The following C1RL variants were observed in gnomAD, a reference collection of about 807,000 sequenced individuals.
The protein encoded by C1RL is complement C1r subcomponent-like protein.
C1RL carries 27 observed loss-of-function variants against 27.9 expected under a neutral mutation model. The observed-to-expected ratio is 0.97, with a 90% CI of 0.71 to 1.33. The LOEUF (loss-of-function observed/expected upper bound fraction) is 1.33. C1RL is among the 40% of genes most tolerant of loss of function. The probability of loss-of-function intolerance (pLI) is 0.00; values close to 1 mark genes in which losing one functional copy is unlikely to be tolerated. For missense variants in C1RL, 563 were observed against 623.9 expected (o/e 0.90, Z 1.04); for synonymous variants, 248 against 252.1 (o/e 0.98, Z 0.15).
chr12:7,095,826 G>A lies in C1RL; in HGVS notation c.*565C>T, dbSNP rs1938409104. On this transcript the variant is annotated 3_prime_UTR_variant, in exon 6 of 6. Coordinates refer to ENST00000266542, the MANE Select transcript of C1RL (RefSeq NM_016546.4). ...AACACATCCTTTGCAAATATGGTAT[G>A]AGGATTAAGTGAAATAACAGGTGAA... is the stretch of plus-strand genomic sequence containing the variant. 1 of 781,748 alleles carries A rather than the reference G, an allele frequency of 1.3e-6. No homozygotes were observed. The highest frequency in any genetic ancestry group is 6.2e-5 in the Admixed American group (1 of 16,046). The allele number at this position is 781,748 out of a possible 1,614,324, so 48.4% of individuals were successfully genotyped here. A position where few individuals can be genotyped will look rare whatever the true frequency, so the allele number is the denominator to read the frequency against.
At chr12:7,099,857 GA>G in intron 4 of C1RL, 43 bp downstream of exon 4, 1 of 1,613,054 alleles carries the variant, frequency 6.2e-7, no homozygotes, top group Non-Finnish European at 8.5e-7. Flanking sequence ...ATTTGGGTGG[GA>G]ATGAGGTGGA....
rs1468217123 is a variant in C1RL, at chr12:7,097,228, T to G, written c.692-65A>C. Reference sequence around the variant, plus strand: ...CATCTAGACACACTGATTAAAGACCTGCTTCTCTGAAGTGCTGTGGTAGGG... The same window carrying G: ...CATCTAGACACACTGATTAAAGACCGGCTTCTCTGAAGTGCTGTGGTAGGG... On this transcript the variant is annotated intron_variant, in intron 5 of 5. Transcript: ENST00000266542. The G allele has an allele frequency of 6.9e-6, 10 of 1,444,060 alleles. No individual in the cohort carries two copies. The East Asian group carries it at 2.1e-4, about 30-fold the overall frequency. The allele number at this position is 1,444,060 out of a possible 1,614,324, so 89.5% of individuals were successfully genotyped here. A position where few individuals can be genotyped will look rare whatever the true frequency, so the allele number is the denominator to read the frequency against.
At chr12:7,100,124 AT>A in intron 3 of C1RL, 98 bp from the exon 4 acceptor site, 1 of 1,198,444 alleles carries the variant, frequency 8.3e-7, no homozygotes, top group Non-Finnish European at 1.1e-6. Context: ...ACAGTGTTTT[AT>A]TTTTTATTTT....
intron 5 of C1RL, chr12:7,097,376 G>C: frequency 3.9e-6 from 2 of 507,782 alleles, no homozygotes. Flanking sequence ...TCCGCCTCCT[G>C]CGCTCAAGCA....
In C1RL at chr12:7,100,020, T is replaced by C. The variant is rs772751644; in HGVS notation, c.497A>G (p.Asn166Ser). 2.0e-5 allele frequency: 32 copies of C among 1,611,600 alleles called. No homozygotes were observed. The highest frequency in any genetic ancestry group is 2.4e-5 in the Non-Finnish European group (28 of 1,179,070). Residue 166 changes from asparagine to serine, a missense_variant, in exon 4 of 6, where the codon AAC becomes AGC. Asn to Ser is a conservative substitution (Grantham distance 46). Coordinates refer to ENST00000266542, the MANE Select transcript of C1RL (RefSeq NM_016546.4). ...GGCCTCGCTGATGGGCTGACTATAG[T>C]TCACAGCTATAGGAAAACAGCACCT... Reference protein sequence around the residue: ...FLALYQTVAVNYSQPISEASR... With the variant: ...FLALYQTVAVSYSQPISEASR...
At chr12:7,097,345 C>G in intron 5 of C1RL, 182 bp from the exon 6 acceptor site, 1 of 572,124 alleles carries the variant, frequency 1.7e-6, no homozygotes, top group Non-Finnish European at 2.9e-6. Context: ...CGTACTTGCG[C>G]GATCTCGGCT....
At chr12:7,105,751 T>C (rs1278462637) in intron 2 of C1RL, among the ~76,000 whole-genome samples, 2 of 152,074 alleles carry the variant, frequency 1.3e-5, no homozygotes, top group African/African-American at 4.8e-5. Flanking sequence ...ACTGCATCAA[T>C]GAAACAAGAA....
chr12:7,108,740 C>G, intron 1 of C1RL: 1 of 566,236 alleles, frequency 1.8e-6, no homozygotes, highest in Non-Finnish European at 3.1e-6. Context: ...CTTTGCTCAT[C>G]TCCCAGGAGA....
At position 7,108,488 on chromosome 12, in the gene C1RL, T is replaced by C. The variant is rs1938831599; in HGVS notation, c.72-9A>G. 1 of 1,573,086 alleles carries C rather than the reference T, an allele frequency of 6.4e-7. No individual in the cohort carries two copies. Among genetic ancestry groups the C allele is most frequent in the Admixed American group, 1.8e-5 (1 of 56,444 alleles). ...AGAGAAGCAGCCACCACCTGTGAGT[T>C]GGGGGGAGGGCAAGGTGGGGCCGCG... On this transcript the variant is annotated splice_polypyrimidine_tract_variant and intron_variant, in intron 1 of 5. Coordinates refer to ENST00000266542, the MANE Select transcript of C1RL (RefSeq NM_016546.4).
Position 7,095,126 on chromosome 12 carries a change from T to A in C1RL, c.*1265A>T, listed in dbSNP as rs1938389841. ...ACTGTAAATCACCTCCAATCTTTTT[T>A]TTTTGGGGGGGATGAAGTCTTGGTC... On this transcript the variant is annotated 3_prime_UTR_variant, in exon 6 of 6. Transcript: ENST00000266542. The A allele has an allele frequency of 1.6e-6, 2 of 1,248,482 alleles. No individual in the cohort carries two copies. Among genetic ancestry groups the A allele is most frequent in the African/African-American group, 3.2e-5 (2 of 62,694 alleles). The allele number at this position is 1,248,482 out of a possible 1,614,324, so 77.3% of individuals were successfully genotyped here.
In C1RL at chr12:7,108,225, C is replaced by G; in HGVS notation, c.300+26G>C. ...GGAATCTCCCTGGCCACAGTCCTGG[C>G]GGGACCCCCCCCATCCCCAGCTCAC... On this transcript the variant is annotated intron_variant, in intron 2 of 5. Transcript: ENST00000266542. 1.9e-6 allele frequency: 3 copies of G among 1,555,406 alleles called. No individual in the cohort carries two copies. In the South Asian group the frequency reaches 3.5e-5, roughly 18 times the overall value.
At chr12:7,103,447 T>G (rs1007001836) in intron 2 of C1RL, among the ~76,000 whole-genome samples, 10 of 152,226 alleles carry the variant, frequency 6.6e-5, no homozygotes, top group Admixed American at 2.6e-4. Context: ...CTGTGTGGCC[T>G]CTTCCAGCAT....
At chr12:7,099,225 C>CAAAAAAAA (rs1180325788) in intron 5 of C1RL, among the ~76,000 whole-genome samples, 3 of 44,392 alleles carry the variant, frequency 6.8e-5, no homozygotes, top group African/African-American at 2.5e-4. Context: ...AACTCCATCC[C>CAAAAAAAA]AAAAAAAAAA....
At position 7,101,944 on chromosome 12, in the gene C1RL, C is replaced by T; in HGVS notation, c.444G>A (p.Lys148=). Residue 148 remains lysine, a synonymous_variant, in exon 3 of 6, where the codon AAG becomes AAA. Coordinates refer to ENST00000266542, the MANE Select transcript of C1RL (RefSeq NM_016546.4). ...GGAAGCCCTTGTGGAGGTGGGCAGT[C>T]TTGTTCTCCGAGGAAGGCTGTGTGC... is the stretch of plus-strand genomic sequence containing the variant. The part of the protein sequence containing the change: ...TFRTQPSSEN[K]TAHLHKGFLA... 1 of 1,614,242 alleles carries T rather than the reference C, an allele frequency of 6.2e-7. No homozygotes were observed. Among genetic ancestry groups the T allele is most frequent in the South Asian group, 1.1e-5 (1 of 91,090 alleles).
chr12:7,101,734 T>TA, intron 3 of C1RL, 164 bp downstream of exon 3: 1 of 707,094 alleles, frequency 1.4e-6, no homozygotes, highest in Non-Finnish European at 2.4e-6. Context: ...CGGCTGTCTC[T>TA]TAATAGGGTT....
At position 7,104,097 on chromosome 12, in the gene C1RL, A is replaced by C. The variant is rs937289000; in HGVS notation, c.301-2010T>G. Among the ~76,000 whole-genome samples, 5 of 152,218 alleles carry C rather than the reference A, an allele frequency of 3.3e-5. No individual in the cohort carries two copies. Among genetic ancestry groups the C allele is most frequent in the African/African-American group, 1.2e-4 (5 of 41,450 alleles). On this transcript the variant is annotated intron_variant, in intron 2 of 5. Coordinates refer to ENST00000266542, the MANE Select transcript of C1RL (RefSeq NM_016546.4). This position sits in a 1 kb window ranked among gnomAD's most constrained non-coding sequence, Gnocchi z 5.4. ...ACTTTGGAAGATGGAGTGGAGATGC[A>C]AGTGATAACTTGAGTTTGCAATGAT... is the stretch of plus-strand genomic sequence containing the variant.
rs142501699 is a variant in C1RL, at chr12:7,100,867, A to G, written c.491-841T>C. On this transcript the variant is annotated intron_variant, in intron 3 of 5. Coordinates refer to ENST00000266542, the MANE Select transcript of C1RL (RefSeq NM_016546.4). Reference sequence around the variant, plus strand: ...TGGAATGGGATGATCTTTAAGATATATTATTCAGTAGAAAAATACCACGTT... The same window carrying G: ...TGGAATGGGATGATCTTTAAGATATGTTATTCAGTAGAAAAATACCACGTT... Among the ~76,000 whole-genome samples the G allele has an allele frequency of 4.3e-4, 66 of 152,268 alleles. 1 individual carries two copies. The East Asian group carries it at 0.01, about 23-fold the overall frequency.
rs1938383528 is a variant in C1RL, at chr12:7,094,908, C to T, written c.*1483G>A. On this transcript the variant is annotated 3_prime_UTR_variant, in exon 6 of 6. Coordinates refer to ENST00000266542, the MANE Select transcript of C1RL (RefSeq NM_016546.4). ...GGAATATTTTTAATAATCTTTTGTA[C>T]TGTATGTGGGTGTAAAAAACAGAAG... 1.9e-6 allele frequency: 2 copies of T among 1,034,452 alleles called. No individual in the cohort carries two copies. The highest frequency in any genetic ancestry group is 5.9e-5 in the South Asian group (2 of 33,876). 64.1% of individuals were successfully genotyped at this position (1,034,452 alleles called of 1,614,324 possible). A position where few individuals can be genotyped will look rare whatever the true frequency, so the allele number is the denominator to read the frequency against.
At chr12:7,107,170 AC>A (rs1325287028) in intron 2 of C1RL, among the ~76,000 whole-genome samples, 4 of 149,596 alleles carry the variant, frequency 2.7e-5, no homozygotes, top group South Asian at 2.1e-4. Context: ...CTTTTTAAAA[AC>A]CTTTTTTTTT....
Sources: gnomAD v4.1 joint callset for allele counts (sites outside exome capture counted in the v4.1 genomes callset) on GRCh38, gnomAD v4.1.1 for gene constraint, Gnocchi (gnomAD v3.1) non-coding constraint, MANE v1.5 for transcripts, NCBI Gene and HGNC (gene_info 2026-07-23, HGNC 2026-07-21) for gene names.